Variants in ZNF503 observed in about 807,000 individuals in gnomAD.
The protein encoded by ZNF503 is NocA-like zinc finger 2.
ZNF503 carries 15 observed loss-of-function variants against 34.4 expected under a neutral mutation model. The observed-to-expected ratio is 0.44, with a 90% CI of 0.29 to 0.67. The LOEUF (loss-of-function observed/expected upper bound fraction) is 0.67, where lower values mean the gene tolerates loss of function less well. Among genes scored for constraint, ZNF503 ranks in the 30% least tolerant of loss-of-function variants. The pLI is 0.13. For missense variants in ZNF503, 1,007 were observed against 926.8 expected, an observed-to-expected ratio of 1.09 and a Z score of -1.12; for synonymous variants, 580 against 456.8, an observed-to-expected ratio of 1.27 and a Z score of -3.44.
the ZNF503 span, among the ~76,000 whole-genome samples, chr10:75,331,219 CAT>C: frequency 6.6e-6 from 1 of 152,186 alleles, no homozygotes; most frequent in Non-Finnish European, 1.5e-5. Flanking sequence ...TGTGGCCAAA[CAT>C]GTGGTCTATT....
chr10:75,319,447 T>A, the ZNF503 span, among the ~76,000 whole-genome samples: 1 of 152,210 alleles, frequency 6.6e-6, no homozygotes, highest in Non-Finnish European at 1.5e-5. Context: ...TAGCAAGTTA[T>A]GTATATATAA....
At chr10:75,302,049 C>G in the ZNF503 span, among the ~76,000 whole-genome samples, 2 of 152,200 alleles carry the variant, frequency 1.3e-5, no homozygotes, top group Non-Finnish European at 2.9e-5. Context: ...GTAAGGCAGA[C>G]ATGCTAGCAA....
the ZNF503 span, among the ~76,000 whole-genome samples, chr10:75,317,605 C>T: frequency 6.6e-6 from 1 of 152,076 alleles, no homozygotes; most frequent in Non-Finnish European, 1.5e-5. Flanking sequence ...AATATGGTTA[C>T]AATAGAAATT....
At position 75,400,522 on chromosome 10, in the gene ZNF503, C is replaced by T. The variant is rs1275557305; in HGVS notation, c.316-148G>A. 5.0e-6 allele frequency: 7 copies of T among 1,406,996 alleles called. No individual in the cohort carries two copies. In the South Asian group the frequency reaches 9.2e-5, roughly 18 times the overall value. The allele number at this position is 1,406,996 out of a possible 1,614,324, so 87.2% of individuals were successfully genotyped here. ...AAGGCGCAATTCTAGGCGGCACCCC[C>T]TCTTCAACACCCACTCACAAACATT... is the stretch of plus-strand genomic sequence containing the variant. On this transcript the variant is annotated intron_variant, in intron 1 of 1. Transcript: ENST00000372524.
chr10:75,345,495 C>T, the ZNF503 span, among the ~76,000 whole-genome samples: 1,792 of 151,512 alleles, frequency 0.012, 21 homozygotes, highest in African/African-American at 0.025. Context: ...ATTAGCCAGG[C>T]GTTGTGGTGG....
chr10:75,397,977 A>G lies in ZNF503; in HGVS notation c.*772T>C, dbSNP rs928069430. 1 of 152,650 alleles carries G rather than the reference A, an allele frequency of 6.6e-6. No homozygotes were observed. Among genetic ancestry groups the G allele is most frequent in the Non-Finnish European group, 1.5e-5 (1 of 68,046 alleles). The allele number at this position is 152,650 out of a possible 1,614,324, so 9.5% of individuals were successfully genotyped here. On this transcript the variant is annotated 3_prime_UTR_variant, in exon 2 of 2. Transcript: ENST00000372524. ...TAAAAATAGTTAAGTGTTCCTTTTA[A>G]AGAACAAAATAAGGCAAATGAGGTT...
At chr10:75,318,845 CTCT>C in the ZNF503 span, among the ~76,000 whole-genome samples, 836 of 152,080 alleles carry the variant, frequency 5.5e-3, 4 homozygotes, top group African/African-American at 0.019. Flanking sequence ...GGCTTTCCTC[CTCT>C]TTTTAAAATC....
chr10:75,284,453 T>C, the ZNF503 span, among the ~76,000 whole-genome samples: 1 of 151,156 alleles, frequency 6.6e-6, no homozygotes, highest in Non-Finnish European at 1.5e-5. Flanking sequence ...TGGAGGGCGA[T>C]GGGGAAGAGA....
At chr10:75,353,016 G>C in the ZNF503 span, among the ~76,000 whole-genome samples, 1 of 152,200 alleles carries the variant, frequency 6.6e-6, no homozygotes, top group African/African-American at 2.4e-5. Flanking sequence ...TGTCCCGAGG[G>C]GGGGCACCTC....
chr10:75,295,611 A>G, the ZNF503 span: 1 of 152,210 alleles, frequency 6.6e-6, no homozygotes, highest in Non-Finnish European at 1.5e-5. This position sits in a 1 kb window ranked among gnomAD's most constrained non-coding sequence, Gnocchi z 4.0. Context: ...CCTTAGACCT[A>G]ATCATGAGTT....
At position 75,399,574 on chromosome 10, in the gene ZNF503, G is replaced by C. The variant is rs764488002; in HGVS notation, c.1116C>G (p.Pro372=). 3 of 1,596,542 alleles carry C rather than the reference G, an allele frequency of 1.9e-6. No individual in the cohort carries two copies. In the Admixed American group the frequency reaches 5.0e-5, roughly 27 times the overall value. The part of the protein sequence containing the change: ...SLAGAYAGYP[P]QFLPHGVALD... ...GTGCCACGCCGTGTGGCAGGAACTG[G>C]GGCGGGTAGCCGGCGTAGGCCCCGG... The change falls in exon 2 of 2, where the codon CCC becomes CCG. Residue 372 remains proline (P), a synonymous_variant. Transcript: ENST00000372524.
rs1843765059 is a variant in ZNF503, at chr10:75,400,027, T to G, written c.663A>C (p.Pro221=). The part of the protein sequence containing the change: ...GFRVPSATCQ[P]FTPRTGSPSS... The stretch of plus-strand genomic sequence containing the variant: ...TCGGGCTGCCTGTCCTGGGCGTGAA[T>G]GGCTGGCAGGTGGCGCTCGGTACCC... The change falls in exon 2 of 2, where the codon CCA becomes CCC. Residue 221 remains proline, a synonymous_variant. Transcript: ENST00000372524. The G allele has an allele frequency of 6.2e-7, 1 of 1,602,778 alleles. No individual in the cohort carries two copies. The highest frequency in any genetic ancestry group is 8.5e-7 in the Non-Finnish European group (1 of 1,177,982).
Position 75,399,190 on chromosome 10 carries a change from G to C in ZNF503, c.1500C>G (p.Leu500=), listed in dbSNP as rs774416174. Residue 500 remains leucine, a synonymous_variant, in exon 2 of 2, where the codon CTC becomes CTG. Transcript: ENST00000372524. Reference sequence around the variant, plus strand: ...TAGGGAGCATAAAGCCGTAGGGGTAGAGGGGGTGGCCGGCCAGGGAGGGCG... The same window carrying C: ...TAGGGAGCATAAAGCCGTAGGGGTACAGGGGGTGGCCGGCCAGGGAGGGCG... The part of the protein sequence containing the change: ...ATPPSLAGHP[L]YPYGFMLPND... 7.5e-6 allele frequency: 12 copies of C among 1,604,708 alleles called. No individual in the cohort carries two copies. The highest frequency in any genetic ancestry group is 6.7e-5 in the Admixed American group (4 of 59,518).
chr10:75,401,253 A>G lies in ZNF503; in HGVS notation c.167T>C (p.Phe56Ser), dbSNP rs1192481800. The change falls in exon 1 of 2, where the codon TTT (phenylalanine) becomes TCT (serine). Residue 56 changes from phenylalanine to serine, a missense_variant. Physicochemically the swap from Phe to Ser is radical, Grantham distance 155. Coordinates refer to ENST00000372524, the MANE Select transcript of ZNF503 (RefSeq NM_032772.6). ...GTCAGAGGGGGGCACGGCGTGCACA[A>G]AAGGCTTGGTGCTGCCGGCCGGGGA... ...GSSPAGSTKP[F>S]VHAVPPSDPL... 2 of 1,605,540 alleles carry G rather than the reference A, an allele frequency of 1.2e-6. No homozygotes were observed. The highest frequency in any genetic ancestry group is 2.2e-5 in the East Asian group (1 of 44,568).
chr10:75,381,802 A>ATTTTTTTTTTTTT, the ZNF503 span, among the ~76,000 whole-genome samples: 3 of 41,376 alleles, frequency 7.3e-5, no homozygotes, highest in African/African-American at 2.5e-4. Context: ...ACAGAACCTA[A>ATTTTTTTTTTTTT]TTCTTTTTTT....
At chr10:75,376,716 T>C in the ZNF503 span, among the ~76,000 whole-genome samples, 10 of 152,122 alleles carry the variant, frequency 6.6e-5, no homozygotes, top group African/African-American at 2.4e-4. Flanking sequence ...TGACTCACAA[T>C]TCTGCGTGGC....
the ZNF503 span, among the ~76,000 whole-genome samples, chr10:75,302,127 A>G: frequency 6.6e-6 from 1 of 152,184 alleles, no homozygotes; most frequent in Non-Finnish European, 1.5e-5. Flanking sequence ...GGATTATTTT[A>G]GCTGTATATG....
the ZNF503 span, among the ~76,000 whole-genome samples, chr10:75,317,052 C>T: frequency 6.6e-6 from 1 of 152,282 alleles, no homozygotes; most frequent in South Asian, 2.1e-4. Context: ...AGCCATCCTC[C>T]CACCTCAGCC....
the ZNF503 span, among the ~76,000 whole-genome samples, chr10:75,336,541 C>T: frequency 3.9e-5 from 6 of 152,158 alleles, no homozygotes; most frequent in Admixed American, 3.3e-4. Flanking sequence ...GAATTGCACT[C>T]ACTTTCTTCT....
Sources: allele counts gnomAD v4.1 joint callset (sites outside exome capture counted in the v4.1 genomes callset), GRCh38; gene constraint gnomAD v4.1.1; non-coding constraint Gnocchi (gnomAD v3.1); transcripts MANE v1.5; gene names NCBI Gene and HGNC (gene_info 2026-07-23, HGNC 2026-07-21).